SGCZ: variants seen among roughly 807,000 people sequenced by gnomAD.
The protein encoded by SGCZ is sarcoglycan zeta.
In SGCZ, 40 loss-of-function variants were observed where a neutral mutation model predicts 41.3. That is an observed-to-expected ratio of 0.97 (90% CI 0.75 to 1.26). The LOEUF (loss-of-function observed/expected upper bound fraction) is 1.26. Among genes scored for constraint, SGCZ ranks in the 50% most tolerant of loss-of-function variants. The pLI is 0.00. For missense variants in SGCZ, 552 were observed against 369.8 expected (o/e 1.49, Z -4.04); for synonymous variants, 206 against 137.5 (o/e 1.50, Z -3.49).
chr8:14,597,775 C>T (rs1479313294), intron 1 of SGCZ, among the ~76,000 whole-genome samples: 1 of 152,156 alleles, frequency 6.6e-6, no homozygotes, highest in Admixed American at 6.5e-5. Context: ...CTGCACCTGG[C>T]CTCACTTCTT....
intron 3 of SGCZ, 42 bp downstream of exon 3, chr8:14,324,061 C>T: frequency 1.4e-6 from 2 of 1,392,598 alleles, no homozygotes; most frequent in Non-Finnish European, 2.0e-6. Flanking sequence ...AACATAACCT[C>T]TAAATTATCT....
At chr8:14,384,820 G>C (rs1410797079) in intron 2 of SGCZ, among the ~76,000 whole-genome samples, 1 of 152,182 alleles carries the variant, frequency 6.6e-6, no homozygotes, top group East Asian at 1.9e-4. Context: ...CAGAGTGCTA[G>C]GGTTACAAGC....
chr8:14,473,491 A>G (rs902900155), intron 2 of SGCZ, among the ~76,000 whole-genome samples: 1 of 152,192 alleles, frequency 6.6e-6, no homozygotes, highest in East Asian at 1.9e-4. Context: ...AATGAATTCA[A>G]TACATCAACA....
intron 1 of SGCZ, among the ~76,000 whole-genome samples, chr8:15,019,462 T>TGAAAGAGA (rs1413968778): frequency 1.3e-5 from 2 of 152,164 alleles, no homozygotes; most frequent in Admixed American, 6.5e-5. Context: ...GCAGCTCTCT[T>TGAAAGAGA]TCCTCTTTCA....
chr8:14,374,554 T>C (rs1804041515), intron 2 of SGCZ, among the ~76,000 whole-genome samples: 1 of 148,322 alleles, frequency 6.7e-6, no homozygotes, highest in Non-Finnish European at 1.5e-5. Context: ...GAGAGAAAAG[T>C]ATAAAAGAGT....
At chr8:14,452,204 A>C (rs1423348626) in intron 2 of SGCZ, among the ~76,000 whole-genome samples, 2 of 152,352 alleles carry the variant, frequency 1.3e-5, no homozygotes, top group South Asian at 2.1e-4. Flanking sequence ...AAAGAAGTCA[A>C]TCTGACAAAG....
chr8:14,309,461 G>T, intron 3 of SGCZ: 1 of 1,605,790 alleles, frequency 6.2e-7, no homozygotes, highest in Admixed American at 1.7e-5. Context: ...CTGCAGTGAT[G>T]ATGTATGTGG....
intron 1 of SGCZ, among the ~76,000 whole-genome samples, chr8:15,013,110 C>T (rs1007562586): frequency 1.3e-5 from 2 of 152,116 alleles, no homozygotes; most frequent in African/African-American, 2.4e-5. Flanking sequence ...AAGGAAAATG[C>T]ATGCATCACA....
At chr8:15,122,485 A>T (rs1187451437) in intron 1 of SGCZ, among the ~76,000 whole-genome samples, 3 of 152,132 alleles carry the variant, frequency 2.0e-5, no homozygotes, top group Non-Finnish European at 2.9e-5. Context: ...TCATCTTTCC[A>T]GGTACAAAAA....
At chr8:14,786,385 A>G (rs1219107428) in intron 1 of SGCZ, among the ~76,000 whole-genome samples, 1 of 152,194 alleles carries the variant, frequency 6.6e-6, no homozygotes, top group African/African-American at 2.4e-5. Flanking sequence ...ATATATTTGA[A>G]TAAATAAAGA....
intron 1 of SGCZ, among the ~76,000 whole-genome samples, chr8:15,074,117 C>T (rs1446186683): frequency 1.3e-5 from 2 of 152,160 alleles, no homozygotes; most frequent in Admixed American, 6.5e-5. Context: ...AGTTTCACAA[C>T]CCCCCATCCA....
chr8:14,908,722 C>A (rs1166666078), intron 1 of SGCZ, among the ~76,000 whole-genome samples: 2 of 134,214 alleles, frequency 1.5e-5, no homozygotes, highest in Non-Finnish European at 3.0e-5. Context: ...TGTACTCCAG[C>A]CTGGTGATCT....
intron 1 of SGCZ, among the ~76,000 whole-genome samples, chr8:15,101,107 G>C (rs908847965): frequency 6.6e-6 from 1 of 152,018 alleles, no homozygotes. Context: ...ATATTAACTC[G>C]AATCGTAGAC....
chr8:14,778,159 C>A (rs1434860498), intron 1 of SGCZ, among the ~76,000 whole-genome samples: 1 of 152,064 alleles, frequency 6.6e-6, no homozygotes, highest in Non-Finnish European at 1.5e-5. Context: ...AACTACTGGC[C>A]TCAAGCGATC....
At chr8:14,433,399 T>C in intron 2 of SGCZ, among the ~76,000 whole-genome samples, 1 of 152,212 alleles carries the variant, frequency 6.6e-6, no homozygotes, top group East Asian at 1.9e-4. Flanking sequence ...CAATGAATTG[T>C]TTATTGCAAT....
chr8:15,142,375 T>A (rs1393533367), intron 1 of SGCZ, among the ~76,000 whole-genome samples: 1 of 152,184 alleles, frequency 6.6e-6, no homozygotes. Flanking sequence ...CAGATGTGGA[T>A]ATACTGTAAT....
intron 1 of SGCZ, among the ~76,000 whole-genome samples, chr8:15,222,924 A>T (rs1430457667): frequency 6.6e-6 from 1 of 152,190 alleles, no homozygotes; most frequent in Non-Finnish European, 1.5e-5. Flanking sequence ...CCAACATTCA[A>T]TTTTAGTTAC....
chr8:14,130,663 C>T (rs1486526586), intron 5 of SGCZ, among the ~76,000 whole-genome samples: 1 of 152,058 alleles, frequency 6.6e-6, no homozygotes, highest in Non-Finnish European at 1.5e-5. Flanking sequence ...AAAGCAGCCA[C>T]TAAATCATTT....
intron 2 of SGCZ, among the ~76,000 whole-genome samples, chr8:14,421,631 T>A (rs1201127314): frequency 1.3e-5 from 2 of 152,122 alleles, no homozygotes; most frequent in Non-Finnish European, 2.9e-5. Context: ...ACCACAGATG[T>A]GGTTTACTCT....
Sources: gnomAD v4.1 joint callset for allele counts (sites outside exome capture counted in the v4.1 genomes callset) on GRCh38, gnomAD v4.1.1 for gene constraint, MANE v1.5 for transcripts, NCBI Gene and HGNC (gene_info 2026-07-23, HGNC 2026-07-21) for gene names.